The following PLAG1 variants were observed in gnomAD, a reference collection of about 807,000 sequenced individuals.
The protein encoded by PLAG1 is PLAG1 zinc finger.
A neutral mutation model predicts 35.5 loss-of-function variants in PLAG1; 7 were observed. That is an observed-to-expected ratio of 0.20 (90% CI 0.11 to 0.37). The LOEUF (loss-of-function observed/expected upper bound fraction) is 0.37. Ranked by LOEUF, PLAG1 falls within the 10% of genes least tolerant of loss-of-function variation. The pLI, the probability that PLAG1 is intolerant of heterozygous loss-of-function variation, is 1.00. For synonymous variants in PLAG1, 229 were observed against 225.4 expected (o/e 1.02, Z -0.14); for missense variants, 454 against 602.8 (o/e 0.75, Z 2.58).
At chr8:56,191,633 T>TA (rs1216456577) in intron 1 of PLAG1, among the ~76,000 whole-genome samples, 1 of 152,052 alleles carries the variant, frequency 6.6e-6, no homozygotes, top group African/African-American at 2.4e-5. Flanking sequence ...CTTTTTTTTT[T>TA]AAAGGCAAAT....
chr8:56,195,975 C>T (rs1309761041), intron 1 of PLAG1, among the ~76,000 whole-genome samples: 1 of 152,132 alleles, frequency 6.6e-6, no homozygotes, highest in African/African-American at 2.4e-5. Flanking sequence ...TGTGGGAGGA[C>T]ACACCAAACT....
At chr8:56,200,318 A>G (rs529924456) in intron 1 of PLAG1, among the ~76,000 whole-genome samples, 1 of 152,346 alleles carries the variant, frequency 6.6e-6, no homozygotes, top group Non-Finnish European at 1.5e-5. Context: ...AGGTGGTTCC[A>G]TGACTAAGGA....
intron 1 of PLAG1, among the ~76,000 whole-genome samples, chr8:56,182,032 C>T (rs1317387063): frequency 6.6e-6 from 1 of 152,178 alleles, no homozygotes; most frequent in Non-Finnish European, 1.5e-5. Context: ...CTTCTGGCTA[C>T]CGTGAAGTGT....
chr8:56,185,923 T>C (rs539675282), intron 1 of PLAG1, among the ~76,000 whole-genome samples: 6 of 152,246 alleles, frequency 3.9e-5, no homozygotes, highest in Non-Finnish European at 7.3e-5. Context: ...TGCTAATTGA[T>C]AGGCTTGCCT....
rs1327977649 is a variant in PLAG1, at chr8:56,166,455, G to A, written c.1291C>T (p.Pro431Ser). 1.2e-6 allele frequency: 2 copies of A among 1,613,500 alleles called. No individual in the cohort carries two copies. Among genetic ancestry groups the A allele is most frequent in the East Asian group, 4.5e-5 (2 of 44,874 alleles). Residue 431 changes from proline (P) to serine (S), a missense_variant, in exon 5 of 5, where the codon CCC (proline) becomes TCC (serine). Around this residue, in one of 4 missense-constraint regions of PLAG1, gnomAD observed 271 missense variants for 315.6 expected, o/e 0.86. Transcript: ENST00000316981. ...CTCCCCACTGATAGAGGATTATAGG[G>A]AGGACCATTTAAAGGTATGAAATTA... Reference protein sequence around the residue: ...LFNFIPLNGPPYNPLSVGSLG... With the variant: ...LFNFIPLNGPSYNPLSVGSLG...
intron 1 of PLAG1, among the ~76,000 whole-genome samples, chr8:56,195,901 C>G (rs1812348023): frequency 6.6e-6 from 1 of 152,176 alleles, no homozygotes; most frequent in African/African-American, 2.4e-5. Flanking sequence ...CTCACAAAAC[C>G]TCCCAAGTGC....
chr8:56,177,162 A>G (rs1811723516), intron 2 of PLAG1, among the ~76,000 whole-genome samples: 1 of 152,200 alleles, frequency 6.6e-6, no homozygotes, highest in South Asian at 2.1e-4. Flanking sequence ...GGCTTGTGCT[A>G]TGGCATAAAT....
rs1168099429 is a variant in PLAG1 at position 56,176,664 on chromosome 8, CT to C, written c.-217+2744del. 2.0e-3 allele frequency among the ~76,000 whole-genome samples: 291 copies of C among 144,210 alleles called. 1 individual carries two copies. Among genetic ancestry groups the C allele is most frequent in the South Asian group, 4.2e-3 (19 of 4,518 alleles). 94.6% of individuals were successfully genotyped at this position (144,210 alleles called of 152,430 possible). A position where few individuals can be genotyped will look rare whatever the true frequency, so the allele number is the denominator to read the frequency against. ...CTCTATTTTTAGATAATTTCCTGTGCTTTTTTTTTTTTCTATAAAACAGTCC... is the reference window on the plus strand; with the variant it reads ...CTCTATTTTTAGATAATTTCCTGTGCTTTTTTTTTTTCTATAAAACAGTCC... On this transcript the variant is annotated intron_variant, in intron 2 of 4. Transcript: ENST00000316981.
intron 1 of PLAG1, among the ~76,000 whole-genome samples, chr8:56,191,925 T>G (rs1405055827): frequency 6.6e-6 from 1 of 152,038 alleles, no homozygotes; most frequent in African/African-American, 2.4e-5. Flanking sequence ...GCACCCTCAC[T>G]CAGTGTCAAT....
At chr8:56,207,699 A>G (rs963634111) in intron 1 of PLAG1, among the ~76,000 whole-genome samples, 1 of 152,076 alleles carries the variant, frequency 6.6e-6, no homozygotes, top group African/African-American at 2.4e-5. Context: ...TGACTACACA[A>G]TATCATGACA....
intron 1 of PLAG1, among the ~76,000 whole-genome samples, chr8:56,184,084 C>G (rs1286920526): frequency 2.0e-5 from 3 of 152,162 alleles, no homozygotes. Flanking sequence ...AAGCAGAGAT[C>G]AACTGTAAGT....
At position 56,167,185 on chromosome 8, in the gene PLAG1, G is replaced by A. The variant is rs759511151; in HGVS notation, c.561C>T (p.Cys187=). The A allele has an allele frequency of 2.4e-5, 38 of 1,613,302 alleles. No homozygotes were observed. The highest frequency in any genetic ancestry group is 1.6e-4 in the Middle Eastern group (1 of 6,082). The change falls in exon 5 of 5, where the codon TGC becomes TGT. Residue 187 remains cysteine (C), a synonymous_variant. Coordinates refer to ENST00000316981, the MANE Select transcript of PLAG1 (RefSeq NM_002655.3). This position sits in a 1 kb window ranked among gnomAD's most constrained non-coding sequence, Gnocchi z 5.9. Reference sequence around the variant, plus strand: ...TGTAGAACCGGCGATCACAATGTTCGCACTGGTGCTTTTTTTCTTTAACCC... The same window carrying A: ...TGTAGAACCGGCGATCACAATGTTCACACTGGTGCTTTTTTTCTTTAACCC... The part of the protein sequence containing the change: ...SGGVKEKKHQ[C]EHCDRRFYTR...
In PLAG1 at chr8:56,179,515, T is replaced by TA; in HGVS notation, c.-321-3dup. 1 of 917,664 alleles carries TA rather than the reference T, an allele frequency of 1.1e-6. No individual in the cohort carries two copies. Among genetic ancestry groups the TA allele is most frequent in the Non-Finnish European group, 1.3e-6 (1 of 767,786 alleles). 56.8% of individuals were successfully genotyped at this position (917,664 alleles called of 1,614,324 possible). A position where few individuals can be genotyped will look rare whatever the true frequency, so the allele number is the denominator to read the frequency against. On this transcript the variant is annotated splice_polypyrimidine_tract_variant and splice_region_variant and intron_variant, in intron 1 of 4. Transcript: ENST00000316981. ...GCCAAGGCAGCACCAAGAGGCAACC[T>TA]AAAAAGAAAAGAAGAGTTAGTTTTA...
At chr8:56,172,928 T>C (rs1175247598) in intron 2 of PLAG1, among the ~76,000 whole-genome samples, 3 of 152,196 alleles carry the variant, frequency 2.0e-5, no homozygotes, top group African/African-American at 7.2e-5. Flanking sequence ...TTTTAAATAA[T>C]TTAAACAACT....
chr8:56,175,981 T>C (rs1811675924), intron 2 of PLAG1, among the ~76,000 whole-genome samples: 1 of 151,790 alleles, frequency 6.6e-6, no homozygotes, highest in South Asian at 2.1e-4. Context: ...GTTTATTTTA[T>C]AGAGCAAAAA....
chr8:56,166,385 G>A lies in PLAG1; in HGVS notation c.1361C>T (p.Ser454Phe). Residue 454 changes from serine (S) to phenylalanine (F), a missense_variant, in exon 5 of 5, where the codon TCC becomes TTC. Ser to Phe is a radical substitution (Grantham distance 155). Around this residue, in one of 4 missense-constraint regions of PLAG1, gnomAD observed 271 missense variants for 315.6 expected, o/e 0.86. Coordinates refer to ENST00000316981, the MANE Select transcript of PLAG1 (RefSeq NM_002655.3). ...YSQEEAHSSV[S>F]QLPPQTQDLQ... ...ATCCTGTGTTTGTGGGGGGAGCTGG[G>A]AAACAGAAGAATGTGCTTCTTCCTG... 6.2e-7 allele frequency: 1 copy of A among 1,613,874 alleles called. No homozygotes were observed. Among genetic ancestry groups the A allele is most frequent in the Non-Finnish European group, 8.5e-7 (1 of 1,179,878 alleles).
chr8:56,167,992 G>C lies in PLAG1; in HGVS notation c.242+36C>G. ...ATGGCTTCAAACAGCCAACATAAGA[G>C]AAAATATAATCTGAAAGACAAATAG... On this transcript the variant is annotated intron_variant, in intron 4 of 4. Coordinates refer to ENST00000316981, the MANE Select transcript of PLAG1 (RefSeq NM_002655.3). The surrounding 1 kb of genome is among the most constrained non-coding windows in gnomAD (Gnocchi z 5.9). 1 of 1,179,610 alleles carries C rather than the reference G, an allele frequency of 8.5e-7. No homozygotes were observed. The highest frequency in any genetic ancestry group is 1.2e-6 in the Non-Finnish European group (1 of 819,740). 73.1% of individuals were successfully genotyped at this position (1,179,610 alleles called of 1,614,324 possible).
chr8:56,170,243 G>A (rs910568447), intron 3 of PLAG1, among the ~76,000 whole-genome samples: 6 of 152,132 alleles, frequency 3.9e-5, no homozygotes, highest in East Asian at 1.9e-4. Flanking sequence ...CTAAAAATCC[G>A]CCTTGCTGTT....
At chr8:56,211,089 T>TCGC (rs1428608520) in intron 1 of PLAG1, 32 bp downstream of exon 1, 1 of 152,312 alleles carries the variant, frequency 6.6e-6, no homozygotes, top group African/African-American at 2.4e-5. Context: ...GCTAAACGCC[T>TCGC]CGCCGCCGCC....
Sources: gnomAD v4.1 joint callset for allele counts (sites outside exome capture counted in the v4.1 genomes callset) on GRCh38, gnomAD v4.1.1 for gene constraint, gnomAD v4.1.1 regional missense constraint, Gnocchi (gnomAD v3.1) non-coding constraint, MANE v1.5 for transcripts, NCBI Gene and HGNC (gene_info 2026-07-23, HGNC 2026-07-21) for gene names.